Variants in TLCD2 observed in about 807,000 individuals in gnomAD.
TLCD2 encodes the protein TLC domain containing 2, also known as TLC domain-containing protein 2.
In TLCD2, 12 loss-of-function variants were observed where a neutral mutation model predicts 14.0. That is an observed-to-expected ratio of 0.86 (90% CI 0.55 to 1.39). TLCD2 has a LOEUF of 1.39. Among genes scored for constraint, TLCD2 ranks in the 40% most tolerant of loss-of-function variants. The pLI is 0.00. For missense variants in TLCD2, 360 were observed against 346.8 expected, an observed-to-expected ratio of 1.04 and a Z score of -0.30; for synonymous variants, 166 against 156.5, an observed-to-expected ratio of 1.06 and a Z score of -0.45.
chr17:1,703,436 GACGGAGTCTTGCTCTGTC>G lies in TLCD2; in HGVS notation c.*4316_*4333del, dbSNP rs1913935229. On this transcript the variant is annotated 3_prime_UTR_variant, in exon 4 of 4. Transcript: ENST00000330676. ...ATTTATTTATTTATTTATTTTTTAAGACGGAGTCTTGCTCTGTCACCCAGGCTGGAGTGCAGTGGCACG... is the reference window on the plus strand; with the variant it reads ...ATTTATTTATTTATTTATTTTTTAAGACCCAGGCTGGAGTGCAGTGGCACG... The G allele has an allele frequency of 6.6e-6, 1 of 151,720 alleles. No homozygotes were observed. Among genetic ancestry groups the G allele is most frequent in the South Asian group, 2.1e-4 (1 of 4,812 alleles). 9.4% of individuals were successfully genotyped at this position (151,720 alleles called of 1,614,324 possible).
intron 3 of TLCD2, among the ~76,000 whole-genome samples, chr17:1,709,285 G>C (rs547345371): frequency 6.6e-6 from 1 of 151,634 alleles, no homozygotes; most frequent in South Asian, 2.1e-4. Context: ...AGCTACGTGG[G>C]AGGCTGAGGC....
In TLCD2 at chr17:1,708,146, A is replaced by G; in HGVS notation, c.419T>C (p.Leu140Pro). The G allele has an allele frequency of 1.3e-6, 2 of 1,536,772 alleles. No individual in the cohort carries two copies. Among genetic ancestry groups the G allele is most frequent in the Middle Eastern group, 1.7e-4 (1 of 5,964 alleles). Residue 140 changes from leucine (L) to proline (P), a missense_variant, in exon 4 of 4, where the codon CTG (leucine) becomes CCG (proline). Physicochemically the swap from Leu to Pro is moderately conservative, Grantham distance 98. Transcript: ENST00000330676. ...GFSMVSLLLE[L>P]NSACLHLRKL... ...CCGCAGGTGCAAGCAGGCAGAGTTC[A>G]GTTCCAGGAGCAGAGACACCATGGA...
intron 3 of TLCD2, 90 bp downstream of exon 3, chr17:1,709,409 A>AG: frequency 1.2e-6 from 1 of 832,822 alleles, no homozygotes. Flanking sequence ...AAAAAAAAAA[A>AG]AAAAAAAGAA....
rs142281318 is a variant in TLCD2 at position 1,707,555 on chromosome 17, G to A, written c.*215C>T. ...CTGGAAAGGATGCTCATCTGATGAC[G>A]GATTTCAGTGAACAGAAACCCAGGT... On this transcript the variant is annotated 3_prime_UTR_variant, in exon 4 of 4. Coordinates refer to ENST00000330676, the MANE Select transcript of TLCD2 (RefSeq NM_001164407.2). The A allele has an allele frequency of 3.8e-4, 191 of 499,746 alleles. No individual in the cohort carries two copies. Among genetic ancestry groups the A allele is most frequent in the African/African-American group, 1.8e-3 (91 of 51,414 alleles). 31.0% of individuals were successfully genotyped at this position (499,746 alleles called of 1,614,324 possible).
intron 3 of TLCD2, 58 bp downstream of exon 3, chr17:1,709,441 G>T: frequency 8.3e-7 from 1 of 1,198,522 alleles, no homozygotes. Flanking sequence ...TGGGAACCTC[G>T]GGCTGGACAG....
chr17:1,708,027 G>A lies in TLCD2; in HGVS notation c.538C>T (p.Pro180Ser), dbSNP rs1247512132. ...LATLALFRLV[P>S]LGWMSLWLFR... ...AGCCACAGACTCATCCACCCCAGCGGGACCAGGCGGAAGAGGGCCAAGGTG... is the reference window on the plus strand; with the variant it reads ...AGCCACAGACTCATCCACCCCAGCGAGACCAGGCGGAAGAGGGCCAAGGTG... The change falls in exon 4 of 4, where the codon CCG becomes TCG. Residue 180 changes from proline (P) to serine (S), a missense_variant. Physicochemically the swap from Pro to Ser is moderately conservative, Grantham distance 74. Coordinates refer to ENST00000330676, the MANE Select transcript of TLCD2 (RefSeq NM_001164407.2). 2 of 1,537,274 alleles carry A rather than the reference G, an allele frequency of 1.3e-6. No homozygotes were observed. Among genetic ancestry groups the A allele is most frequent in the Admixed American group, 2.0e-5 (1 of 51,000 alleles).
At chr17:1,708,491 T>C (rs2151145335) in intron 3 of TLCD2, among the ~76,000 whole-genome samples, 1 of 140,666 alleles carries the variant, frequency 7.1e-6, no homozygotes, top group East Asian at 2.1e-4. Flanking sequence ...TTTTTTTTTT[T>C]TTTTTTTTTT....
rs1360604475 is a variant in TLCD2, at chr17:1,705,942, T to C, written c.*1828A>G. ...AGCAGCAGGGAGGAAGAAGACTTTA[T>C]GAATGTATCTCAGAAAAGTCCCAGC... On this transcript the variant is annotated 3_prime_UTR_variant, in exon 4 of 4. Transcript: ENST00000330676. 6.6e-6 allele frequency: 1 copy of C among 151,442 alleles called. No homozygotes were observed. Among genetic ancestry groups the C allele is most frequent in the African/African-American group, 2.4e-5 (1 of 41,326 alleles). 9.4% of individuals were successfully genotyped at this position (151,442 alleles called of 1,614,324 possible). A position where few individuals can be genotyped will look rare whatever the true frequency, so the allele number is the denominator to read the frequency against.
At chr17:1,708,256 A>G in intron 3 of TLCD2, 34 bp from the exon 4 acceptor site, 3 of 1,440,164 alleles carry the variant, frequency 2.1e-6, no homozygotes, top group Non-Finnish European at 2.8e-6. Context: ...GAGGAACCCC[A>G]TGACCTGCCA....
Position 1,710,312 on chromosome 17 carries a change from T to G in TLCD2, c.-70A>C. 7.4e-7 allele frequency: 1 copy of G among 1,348,506 alleles called. No individual in the cohort carries two copies. The allele number at this position is 1,348,506 out of a possible 1,614,324, so 83.5% of individuals were successfully genotyped here. On this transcript the variant is annotated 5_prime_UTR_variant, in exon 1 of 4. Coordinates refer to ENST00000330676, the MANE Select transcript of TLCD2 (RefSeq NM_001164407.2). This position sits in a 1 kb window ranked among gnomAD's most constrained non-coding sequence, Gnocchi z 6.1. ...CGGCGCCCGCGCTCTCGGCCGGGAC[T>G]GGGAACCCGTTTCCCGGCAGGGCTG...
Position 1,710,125 on chromosome 17 carries a change from A to G in TLCD2, c.118T>C (p.Trp40Arg), listed in dbSNP as rs1432160087. 1 of 1,533,240 alleles carries G rather than the reference A, an allele frequency of 6.5e-7. No homozygotes were observed. The highest frequency in any genetic ancestry group is 1.2e-5 in the South Asian group (1 of 83,954). 95.0% of individuals were successfully genotyped at this position (1,533,240 alleles called of 1,614,324 possible). The change falls in exon 1 of 4, where the codon TGG becomes CGG. Residue 40 changes from tryptophan to arginine, a missense_variant. Coordinates refer to ENST00000330676, the MANE Select transcript of TLCD2 (RefSeq NM_001164407.2). The surrounding 1 kb of genome is among the most constrained non-coding windows in gnomAD (Gnocchi z 6.1). Reference sequence around the variant, plus strand: ...TGCGCCAGGGAGACGCAGAGGTTCCACCACTGCCAGCGGTCCCGAGCGGCC... The same window carrying G: ...TGCGCCAGGGAGACGCAGAGGTTCCGCCACTGCCAGCGGTCCCGAGCGGCC... ...ESAARDRWQW[W>R]NLCVSLAHSL...
chr17:1,708,107 A>G lies in TLCD2; in HGVS notation c.458T>C (p.Leu153Pro). 1 of 1,537,072 alleles carries G rather than the reference A, an allele frequency of 6.5e-7. No homozygotes were observed. Among genetic ancestry groups the G allele is most frequent in the South Asian group, 1.2e-5 (1 of 84,064 alleles). Residue 153 changes from leucine to proline, a missense_variant, in exon 4 of 4, where the codon CTT becomes CCT. Physicochemically the swap from Leu to Pro is moderately conservative, Grantham distance 98. Transcript: ENST00000330676. ...GGCCAGGGATGGGGCCTGGCGAGAA[A>G]GCAACAGCAGCTTCCGCAGGTGCAA... ...ACLHLRKLLLLSRQAPSLAFS... is the reference protein window; with the variant it reads ...ACLHLRKLLLPSRQAPSLAFS...
In TLCD2 at chr17:1,703,686, A is replaced by G. The variant is rs916764105; in HGVS notation, c.*4084T>C. ...ACGCCCGGCCTCATAGACACTATCAAGTATTACCAAAAGGGACACTCACTC... is the reference window on the plus strand; with the variant it reads ...ACGCCCGGCCTCATAGACACTATCAGGTATTACCAAAAGGGACACTCACTC... On this transcript the variant is annotated 3_prime_UTR_variant, in exon 4 of 4. Transcript: ENST00000330676. 1 of 152,102 alleles carries G rather than the reference A, an allele frequency of 6.6e-6. No individual in the cohort carries two copies. Among genetic ancestry groups the G allele is most frequent in the African/African-American group, 2.4e-5 (1 of 41,418 alleles). The allele number at this position is 152,102 out of a possible 1,614,324, so 9.4% of individuals were successfully genotyped here. A position where few individuals can be genotyped will look rare whatever the true frequency, so the allele number is the denominator to read the frequency against.
rs1292299514 is a variant in TLCD2, at chr17:1,708,227, G to A, written c.343-5C>T. ...GGTGCTGAGGCAGCTCACCACCTGG[G>A]AGCCAGGGTCACAGGTCAGAGGAAC... On this transcript the variant is annotated splice_polypyrimidine_tract_variant and splice_region_variant and intron_variant, in intron 3 of 3. Coordinates refer to ENST00000330676, the MANE Select transcript of TLCD2 (RefSeq NM_001164407.2). The A allele has an allele frequency of 6.6e-7, 1 of 1,516,434 alleles. No homozygotes were observed. The highest frequency in any genetic ancestry group is 8.8e-7 in the Non-Finnish European group (1 of 1,135,276). 93.9% of individuals were successfully genotyped at this position (1,516,434 alleles called of 1,614,324 possible).
Position 1,705,414 on chromosome 17 carries a change from A to G in TLCD2, c.*2356T>C, listed in dbSNP as rs556794934. 1.3e-5 allele frequency: 2 copies of G among 151,602 alleles called. No homozygotes were observed. The highest frequency in any genetic ancestry group is 2.4e-5 in the African/African-American group (1 of 41,224). 9.4% of individuals were successfully genotyped at this position (151,602 alleles called of 1,614,324 possible). A position where few individuals can be genotyped will look rare whatever the true frequency, so the allele number is the denominator to read the frequency against. ...TTCTCCTTGTCACTCACTCTATTTC[A>G]CTGTCTAGACTCTCTGTGCCTTTCA... On this transcript the variant is annotated 3_prime_UTR_variant, in exon 4 of 4. Transcript: ENST00000330676.
chr17:1,709,860 G>A lies in TLCD2; in HGVS notation c.203C>T (p.Ala68Val). 1 of 1,535,112 alleles carries A rather than the reference G, an allele frequency of 6.5e-7. No homozygotes were observed. Among genetic ancestry groups the A allele is most frequent in the African/African-American group, 1.4e-5 (1 of 73,126 alleles). ...LGLSLYPQMA[A>V]DPIHGHPRWA... ...GCGCGGGTGGCCATGGATGGGGTCGGCGGCCATCTGAGGGTACAGTGACAG... is the reference window on the plus strand; with the variant it reads ...GCGCGGGTGGCCATGGATGGGGTCGACGGCCATCTGAGGGTACAGTGACAG... Residue 68 changes from alanine to valine, a missense_variant, in exon 2 of 4, where the codon GCC becomes GTC. Coordinates refer to ENST00000330676, the MANE Select transcript of TLCD2 (RefSeq NM_001164407.2).
rs570018280 is a variant in TLCD2 at position 1,707,907 on chromosome 17, G to A, written c.658C>T (p.Arg220Cys). 6 of 1,537,264 alleles carry A rather than the reference G, an allele frequency of 3.9e-6. No individual in the cohort carries two copies. The highest frequency in any genetic ancestry group is 4.9e-5 in the East Asian group (2 of 40,914). ...TGTAGGACATCATTGACCAGAATACGGATCCCCAATATGATGCTCATGATG... is the reference window on the plus strand; with the variant it reads ...TGTAGGACATCATTGACCAGAATACAGATCCCCAATATGATGCTCATGATG... ...VGIMSIILGI[R>C]ILVNDVLQSR... The change falls in exon 4 of 4, where the codon CGT becomes TGT. Residue 220 changes from arginine (R) to cysteine (C), a missense_variant. By Grantham distance (180) the Arg-to-Cys change is radical. Transcript: ENST00000330676.
Position 1,708,235 on chromosome 17 carries a change from G to A in TLCD2, c.343-13C>T. On this transcript the variant is annotated splice_polypyrimidine_tract_variant and intron_variant, in intron 3 of 3. Transcript: ENST00000330676. ...GGCAGCTCACCACCTGGGAGCCAGG[G>A]TCACAGGTCAGAGGAACCCCATGAC... The A allele has an allele frequency of 2.6e-6, 4 of 1,509,612 alleles. No homozygotes were observed. The South Asian group carries it at 3.7e-5, about 14-fold the overall frequency. 93.5% of individuals were successfully genotyped at this position (1,509,612 alleles called of 1,614,324 possible).
chr17:1,709,868 C>G lies in TLCD2; in HGVS notation c.195G>C (p.Gln65His), dbSNP rs750329378. Residue 65 changes from glutamine to histidine, a missense_variant, in exon 2 of 4, where the codon CAG becomes CAC. Physicochemically the swap from Gln to His is conservative, Grantham distance 24. Coordinates refer to ENST00000330676, the MANE Select transcript of TLCD2 (RefSeq NM_001164407.2). ...GGCCATGGATGGGGTCGGCGGCCAT[C>G]TGAGGGTACAGTGACAGGCTGGGGG... ...GALLGLSLYP[Q>H]MAADPIHGHP... is the part of the protein sequence containing the mutation. The G allele has an allele frequency of 2.9e-5, 44 of 1,531,102 alleles. No individual in the cohort carries two copies. The highest frequency in any genetic ancestry group is 3.6e-5 in the Non-Finnish European group (41 of 1,143,504). 94.8% of individuals were successfully genotyped at this position (1,531,102 alleles called of 1,614,324 possible).
Sources: gnomAD v4.1 joint callset for allele counts (sites outside exome capture counted in the v4.1 genomes callset) on GRCh38, gnomAD v4.1.1 for gene constraint, Gnocchi (gnomAD v3.1) non-coding constraint, MANE v1.5 for transcripts, NCBI Gene and HGNC (gene_info 2026-07-23, HGNC 2026-07-21) for gene names.